Variants in NEDD4 observed in about 807,000 individuals in gnomAD.
NEDD4 encodes E3 ubiquitin-protein ligase NEDD4.
Under a neutral mutation model 144.9 loss-of-function variants are expected in NEDD4, and 99 were observed. The observed-to-expected ratio is 0.68, with a 90% confidence interval of 0.58 to 0.81. The LOEUF is 0.81. NEDD4 is among the 30% of genes least tolerant of loss of function. The probability of loss-of-function intolerance (pLI) is 0.00; values close to 1 mark genes in which losing one functional copy is unlikely to be tolerated. For missense variants in NEDD4, 985 were observed against 1,065.9 expected (o/e 0.92, Z 1.06); for synonymous variants, 318 against 350.6 (o/e 0.91, Z 1.04).
At chr15:55,923,840 A>ATTT (rs1566954014) in intron 5 of NEDD4, among the ~76,000 whole-genome samples, 8 of 151,342 alleles carry the variant, frequency 5.3e-5, no homozygotes, top group Non-Finnish European at 8.8e-5. Flanking sequence ...CTTTTTTTTA[A>ATTT]AAAAAAAGCT....
At chr15:55,880,482 G>A (rs67825863) in intron 5 of NEDD4, among the ~76,000 whole-genome samples, 10,074 of 152,138 alleles carry the variant, frequency 0.066, 434 homozygotes, top group Non-Finnish European at 0.098. Context: ...GCAAAATAAT[G>A]AGAGAAAGAT....
chr15:55,906,282 G>A (rs1467838030), intron 5 of NEDD4, among the ~76,000 whole-genome samples: 8 of 152,084 alleles, frequency 5.3e-5, no homozygotes, highest in Non-Finnish European at 1.0e-4. Context: ...CCATTACTGG[G>A]TATATACCCA....
chr15:55,837,154 G>A (rs1254586152), intron 24 of NEDD4, among the ~76,000 whole-genome samples: 2 of 152,186 alleles, frequency 1.3e-5, no homozygotes, highest in African/African-American at 4.8e-5. Context: ...AGTAGGCCGA[G>A]CACGGTGGCT....
At chr15:55,986,492 G>A (rs919747186) in intron 1 of NEDD4, among the ~76,000 whole-genome samples, 16 of 151,294 alleles carry the variant, frequency 1.1e-4, no homozygotes, top group African/African-American at 2.7e-4. Context: ...CCAAGAGAGC[G>A]TGACCTGAAC....
At chr15:55,927,269 C>A (rs2036692260) in intron 4 of NEDD4, among the ~76,000 whole-genome samples, 1 of 151,314 alleles carries the variant, frequency 6.6e-6, no homozygotes, top group Admixed American at 6.6e-5. Flanking sequence ...GGCATGGGGG[C>A]AGAATGAGCG....
rs1035854028 is a variant in NEDD4 at position 55,829,288 on chromosome 15, G to A, written c.*609C>T. 1 of 152,182 alleles carries A rather than the reference G, an allele frequency of 6.6e-6. No homozygotes were observed. The highest frequency in any genetic ancestry group is 1.5e-5 in the Non-Finnish European group (1 of 68,040). 9.4% of individuals were successfully genotyped at this position (152,182 alleles called of 1,614,324 possible). ...GTGAAGAAGTAAACAGTTTTTCTGT[G>A]AGTTAGTTGGCTAGAAATATAGGTA... On this transcript the variant is annotated 3_prime_UTR_variant, in exon 29 of 29. Coordinates refer to ENST00000435532, the MANE Select transcript of NEDD4 (RefSeq NM_006154.4).
chr15:55,929,100 GT>G (rs1225361447), intron 4 of NEDD4, among the ~76,000 whole-genome samples: 2 of 152,174 alleles, frequency 1.3e-5, no homozygotes, highest in Admixed American at 1.3e-4. Context: ...AGGGATGGAA[GT>G]GATGATGGAG....
At chr15:55,890,360 CCCA>C (rs145916287) in intron 5 of NEDD4, among the ~76,000 whole-genome samples, 14 of 152,094 alleles carry the variant, frequency 9.2e-5, no homozygotes, top group African/African-American at 3.4e-4. Flanking sequence ...TGCCCATTTC[CCCA>C]CCCCTCCTTC....
At chr15:55,851,429 G>C (rs972230689) in intron 13 of NEDD4, among the ~76,000 whole-genome samples, 1 of 150,596 alleles carries the variant, frequency 6.6e-6, no homozygotes, top group South Asian at 2.1e-4. Context: ...GTGTTCTCTC[G>C]TTGCAAAATT....
In NEDD4 at chr15:55,863,058, G is replaced by T; in HGVS notation, c.529C>A (p.Gln177Lys). 4 of 1,590,022 alleles carry T rather than the reference G, an allele frequency of 2.5e-6. No homozygotes were observed. The highest frequency in any genetic ancestry group is 1.1e-5 in the South Asian group (1 of 87,638). The change falls in exon 9 of 29, where the codon CAA becomes AAA. Residue 177 changes from glutamine to lysine, a missense_variant. Transcript: ENST00000435532. Reference protein sequence around the residue: ...ELEPGWVVLDQPDAACHLQQQ... With the variant: ...ELEPGWVVLDKPDAACHLQQQ... ...TGCAAATGGCAAGCAGCATCTGGTT[G>T]GTCCAAAACAACCCAGCCAGGCTGA...
intron 2 of NEDD4, among the ~76,000 whole-genome samples, chr15:55,961,638 T>C (rs2037428583): frequency 6.6e-6 from 1 of 151,930 alleles, no homozygotes; most frequent in African/African-American, 2.4e-5. Context: ...ACCCGGATAA[T>C]TTTTTGTATT....
At chr15:55,946,471 T>C (rs1199582715) in intron 4 of NEDD4, among the ~76,000 whole-genome samples, 1 of 152,146 alleles carries the variant, frequency 6.6e-6, no homozygotes, top group Non-Finnish European at 1.5e-5. Flanking sequence ...CCTAAATATA[T>C]ATGCACCCAA....
intron 1 of NEDD4, among the ~76,000 whole-genome samples, chr15:55,966,791 C>T (rs1320712946): frequency 1.3e-5 from 2 of 152,178 alleles, no homozygotes; most frequent in African/African-American, 4.8e-5. Flanking sequence ...GAATTTATCG[C>T]TGCGCTCAAG....
chr15:55,977,554 T>A (rs2037726747), intron 1 of NEDD4, among the ~76,000 whole-genome samples: 1 of 152,176 alleles, frequency 6.6e-6, no homozygotes, highest in Non-Finnish European at 1.5e-5. Context: ...AAACTCTGAC[T>A]GGAGATGCTA....
In NEDD4 at chr15:55,876,048, A is replaced by G. The variant is rs137880859; in HGVS notation, c.292-2040T>C. Among the ~76,000 whole-genome samples the G allele has an allele frequency of 1.2e-3, 188 of 152,322 alleles. 1 individual carries two copies. Among genetic ancestry groups the G allele is most frequent in the African/African-American group, 4.4e-3 (184 of 41,580 alleles). ...TACACACAGGAGAATAAGAATACAAATAATGGTTGACTTCTCGTCAAAAAC... is the reference window on the plus strand; with the variant it reads ...TACACACAGGAGAATAAGAATACAAGTAATGGTTGACTTCTCGTCAAAAAC... On this transcript the variant is annotated intron_variant, in intron 5 of 28. Coordinates refer to ENST00000435532, the MANE Select transcript of NEDD4 (RefSeq NM_006154.4).
intron 4 of NEDD4, among the ~76,000 whole-genome samples, chr15:55,929,358 T>C (rs1462598695): frequency 6.6e-6 from 1 of 152,224 alleles, no homozygotes; most frequent in Non-Finnish European, 1.5e-5. Context: ...ATTTTAGTTT[T>C]GGGAGTACAT....
At chr15:55,980,197 T>C (rs72734390) in intron 1 of NEDD4, among the ~76,000 whole-genome samples, 17,345 of 152,224 alleles carry the variant, frequency 0.11, 1,167 homozygotes, top group East Asian at 0.32. Flanking sequence ...CCTCCCACAG[T>C]GCTGGGATTT....
intron 4 of NEDD4, among the ~76,000 whole-genome samples, chr15:55,932,799 C>A (rs113099843): frequency 6.6e-6 from 1 of 151,724 alleles, no homozygotes; most frequent in Admixed American, 6.6e-5. Context: ...CCAAAATCTA[C>A]AAAGAACTTA....
intron 18 of NEDD4, among the ~76,000 whole-genome samples, chr15:55,842,500 C>A (rs1279773881): frequency 6.6e-6 from 1 of 152,174 alleles, no homozygotes; most frequent in African/African-American, 2.4e-5. Flanking sequence ...GATCCTCTTG[C>A]TTCCGATTCC....
Sources: allele counts gnomAD v4.1 joint callset (sites outside exome capture counted in the v4.1 genomes callset), GRCh38; gene constraint gnomAD v4.1.1; transcripts MANE v1.5; gene names NCBI Gene and HGNC (gene_info 2026-07-23, HGNC 2026-07-21).